ADAM32: variants seen among roughly 807,000 people sequenced by gnomAD.
The protein encoded by ADAM32 is ADAM metallopeptidase domain 32, also known as disintegrin and metalloproteinase domain-containing protein 32.
ADAM32 carries 89 observed loss-of-function variants against 114.9 expected under a neutral mutation model. That is an observed-to-expected ratio of 0.77 (90% CI 0.65 to 0.92). ADAM32 has a LOEUF of 0.92. ADAM32 is among the 40% of genes least tolerant of loss of function. The pLI, the probability that ADAM32 is intolerant of heterozygous loss-of-function variation, is 0.00. For missense variants in ADAM32, 870 were observed against 932.8 expected (o/e 0.93, Z 0.88); for synonymous variants, 285 against 307.5 (o/e 0.93, Z 0.77).
chr8:39,125,086 C>G (rs1332111968), intron 2 of ADAM32, among the ~76,000 whole-genome samples: 1 of 152,156 alleles, frequency 6.6e-6, no homozygotes, highest in East Asian at 1.9e-4. Context: ...ATTTGCGTAT[C>G]TCAAATGAGC....
Position 39,143,539 on chromosome 8 carries a change from G to A in ADAM32, c.201-3591G>A, listed in dbSNP as rs181996821. ...GTTTGCCTGGGTATCACCAGTGGAG[G>A]CTGCAGAACAGCCAATATTGATGCC... On this transcript the variant is annotated intron_variant, in intron 3 of 24. Coordinates refer to ENST00000379907, the MANE Select transcript of ADAM32 (RefSeq NM_145004.7). 8.6e-3 allele frequency among the ~76,000 whole-genome samples: 1,309 copies of A among 152,230 alleles called. 24 individuals are homozygous for A. Among genetic ancestry groups the A allele is most frequent in the African/African-American group, 0.03 (1,254 of 41,514 alleles).
intron 1 of ADAM32, among the ~76,000 whole-genome samples, chr8:39,117,439 T>C (rs575799416): frequency 6.6e-6 from 1 of 152,216 alleles, no homozygotes; most frequent in East Asian, 1.9e-4. Context: ...GGTAGACACA[T>C]GTGAACTTTT....
chr8:39,223,190 G>A lies in ADAM32; in HGVS notation c.1477G>A (p.Gly493Arg), dbSNP rs777143871. 40 of 1,598,060 alleles carry A rather than the reference G, an allele frequency of 2.5e-5. No individual in the cohort carries two copies. The highest frequency in any genetic ancestry group is 2.1e-4 in the South Asian group (18 of 87,804). ...AAATAATAAGTTTATTTGTTATGACGGAGACTGCCATGATCTCGATGCACG... is the reference window on the plus strand; with the variant it reads ...AAATAATAAGTTTATTTGTTATGACAGAGACTGCCATGATCTCGATGCACG... ...CKNNKFICYD[G>R]DCHDLDARCE... The change falls in exon 14 of 25, where the codon GGA becomes AGA. Residue 493 changes from glycine (G) to arginine (R), a missense_variant. Gly to Arg is a moderately radical substitution (Grantham distance 125, BLOSUM62 -2). Transcript: ENST00000379907.
At chr8:39,137,580 C>G (rs561448045) in intron 3 of ADAM32, among the ~76,000 whole-genome samples, 2 of 151,654 alleles carry the variant, frequency 1.3e-5, no homozygotes, top group Non-Finnish European at 2.9e-5. Flanking sequence ...GACCAGCCTG[C>G]CCAACATGGT....
intron 2 of ADAM32, among the ~76,000 whole-genome samples, chr8:39,129,494 G>C (rs1233251333): frequency 1.3e-5 from 2 of 152,068 alleles, no homozygotes; most frequent in South Asian, 2.1e-4. Context: ...TATTGATGTG[G>C]TGTACCATAT....
In ADAM32 at chr8:39,254,394, A is replaced by C. The variant is rs202205305; in HGVS notation, c.1903-20A>C. ...GAAAATATTTTAAAACAATCATTTA[A>C]TTTTTCAAAATGATCCTAGGTGTGT... is the stretch of plus-strand genomic sequence containing the variant. On this transcript the variant is annotated intron_variant, in intron 17 of 24. Transcript: ENST00000379907. 2.4e-5 allele frequency: 36 copies of C among 1,530,766 alleles called. No homozygotes were observed. Among genetic ancestry groups the C allele is most frequent in the Non-Finnish European group, 3.0e-5 (34 of 1,122,798 alleles). The allele number at this position is 1,530,766 out of a possible 1,614,324, so 94.8% of individuals were successfully genotyped here.
intron 8 of ADAM32, 68 bp downstream of exon 8, chr8:39,164,903 C>T (rs1005837841): frequency 2.0e-5 from 30 of 1,512,192 alleles, no homozygotes; most frequent in East Asian, 9.2e-5. Context: ...AAACTTGATG[C>T]GGTATTCCTG....
Position 39,149,774 on chromosome 8 carries a change from C to CTTTTT in ADAM32, c.277-14_277-10dup, listed in dbSNP as rs149817162. 1 of 1,588,438 alleles carries CTTTTT rather than the reference C, an allele frequency of 6.3e-7. No individual in the cohort carries two copies. On this transcript the variant is annotated splice_polypyrimidine_tract_variant and intron_variant, in intron 4 of 24. Transcript: ENST00000379907. ...TGTTACTTCCTAAGTGACTACTTTACTTTTTTTCTTTCCTAGACTCAATGC... is the reference window on the plus strand; with the variant it reads ...TGTTACTTCCTAAGTGACTACTTTACTTTTTTTTTTTTCTTTCCTAGACTCAATGC...
intron 3 of ADAM32, among the ~76,000 whole-genome samples, chr8:39,138,431 T>C (rs1368060731): frequency 6.6e-6 from 1 of 152,112 alleles, no homozygotes; most frequent in East Asian, 1.9e-4. Flanking sequence ...GTGTTTGGTT[T>C]TCTGTCCTTG....
intron 11 of ADAM32, among the ~76,000 whole-genome samples, chr8:39,206,650 C>T (rs1807855590): frequency 6.6e-6 from 1 of 152,188 alleles, no homozygotes; most frequent in African/African-American, 2.4e-5. Flanking sequence ...TTGAGGTCAC[C>T]TTCTTGGTGC....
chr8:39,123,348 A>C (rs7834462), intron 2 of ADAM32, among the ~76,000 whole-genome samples: 1 of 152,028 alleles, frequency 6.6e-6, no homozygotes, highest in Non-Finnish European at 1.5e-5. Context: ...TTATTTCCAT[A>C]TATATTTTTA....
intron 3 of ADAM32, among the ~76,000 whole-genome samples, chr8:39,143,003 T>C (rs1017388860): frequency 1.3e-5 from 2 of 152,222 alleles, no homozygotes; most frequent in Non-Finnish European, 2.9e-5. Flanking sequence ...GAATCGGCTA[T>C]TGAAGCTTGT....
rs1803554601 is a variant in ADAM32, at chr8:39,147,132, AT to A, written c.209del (p.Leu70Ter). On this transcript the variant is annotated frameshift_variant, in exon 4 of 25. Transcript: ENST00000379907. LOFTEE classifies it high-confidence loss of function. ...ATTTCCTCTTTTTTTATATTCAGAT[AT>A]TTTTTAGCAGATAATTTTATGATCT... is the stretch of plus-strand genomic sequence containing the variant. ...KLYTVHLKQR[Y>X]FLADNFMIYL... 3.1e-6 allele frequency: 3 copies of A among 976,900 alleles called. No homozygotes were observed. Among genetic ancestry groups the A allele is most frequent in the Non-Finnish European group, 4.1e-6 (3 of 731,814 alleles). The allele number at this position is 976,900 out of a possible 1,614,324, so 60.5% of individuals were successfully genotyped here.
chr8:39,122,684 C>G (rs1452530000), intron 2 of ADAM32, among the ~76,000 whole-genome samples: 1 of 152,218 alleles, frequency 6.6e-6, no homozygotes, highest in African/African-American at 2.4e-5. Context: ...TCAAGCAATT[C>G]TCATGCATCA....
intron 12 of ADAM32, among the ~76,000 whole-genome samples, chr8:39,214,625 C>T (rs565197628): frequency 6.6e-6 from 1 of 152,110 alleles, no homozygotes; most frequent in East Asian, 1.9e-4. Context: ...ATATTTCCTC[C>T]CATTCTGTGG....
chr8:39,284,612 T>G (rs990927925), intron 24 of ADAM32, among the ~76,000 whole-genome samples, 181 bp from the exon 25 acceptor site: 1 of 152,164 alleles, frequency 6.6e-6, no homozygotes, highest in African/African-American at 2.4e-5. Flanking sequence ...AAGAAAAGCA[T>G]AAAGTAAATA....
At chr8:39,254,276 A>G (rs1048750448) in intron 17 of ADAM32, 138 bp from the exon 18 acceptor site, 2 of 613,740 alleles carry the variant, frequency 3.3e-6, no homozygotes, top group African/African-American at 4.1e-5. Context: ...AGTCTAAGAA[A>G]CCAAACATTT....
intron 12 of ADAM32, among the ~76,000 whole-genome samples, chr8:39,216,473 C>T (rs538693426): frequency 3.4e-4 from 51 of 151,692 alleles, no homozygotes; most frequent in African/African-American, 1.2e-3. Context: ...TTTCCTTTCC[C>T]CTTTCTCCTC....
chr8:39,166,185 T>C (rs1804825348), intron 9 of ADAM32: 1 of 152,186 alleles, frequency 6.6e-6, no homozygotes, highest in African/African-American at 2.4e-5. Flanking sequence ...TAGTCTTTTA[T>C]CCCTCGCCCC....
Sources: allele counts gnomAD v4.1 joint callset (sites outside exome capture counted in the v4.1 genomes callset), GRCh38; gene constraint gnomAD v4.1.1; transcripts MANE v1.5; gene names NCBI Gene and HGNC (gene_info 2026-07-23, HGNC 2026-07-21).